Variants in RBMS3 observed in about 807,000 individuals in gnomAD.
The protein encoded by RBMS3 is RNA binding motif single stranded interacting protein 3, also known as RNA-binding motif, single-stranded-interacting protein 3.
A neutral mutation model predicts 66.8 loss-of-function variants in RBMS3; 27 were observed. That is an observed-to-expected ratio of 0.40 (90% CI 0.30 to 0.56). The LOEUF is 0.56. RBMS3 is among the 20% of genes least tolerant of loss of function. The pLI is 0.40. For synonymous variants in RBMS3, 188 were observed against 183.0 expected (o/e 1.03, Z -0.22); for missense variants, 513 against 549.5 (o/e 0.93, Z 0.66).
chr3:29,729,045 A>G (rs2054007138), intron 4 of RBMS3, among the ~76,000 whole-genome samples: 1 of 152,130 alleles, frequency 6.6e-6, no homozygotes, highest in African/African-American at 2.4e-5. Flanking sequence ...CAGGTTTGTT[A>G]CATACGTATA....
At chr3:29,388,953 T>C (rs1181513712) in intron 1 of RBMS3, among the ~76,000 whole-genome samples, 1 of 152,230 alleles carries the variant, frequency 6.6e-6, no homozygotes, top group Non-Finnish European at 1.5e-5. Flanking sequence ...TGTAGACACA[T>C]CATCAGGCAG....
intron 1 of RBMS3, among the ~76,000 whole-genome samples, chr3:29,393,478 CAGA>C (rs945707310): frequency 5.3e-5 from 8 of 152,088 alleles, no homozygotes; most frequent in Non-Finnish European, 8.8e-5. Context: ...GGAAAATCAT[CAGA>C]AGGAGAAAAT....
chr3:29,691,464 T>A (rs2052004659), intron 4 of RBMS3, among the ~76,000 whole-genome samples: 1 of 152,202 alleles, frequency 6.6e-6, no homozygotes, highest in Non-Finnish European at 1.5e-5. Context: ...GTACTTCTCT[T>A]TTCATGACTT....
chr3:29,856,243 T>C (rs2059073196), intron 6 of RBMS3, among the ~76,000 whole-genome samples: 2 of 152,182 alleles, frequency 1.3e-5, no homozygotes, highest in Non-Finnish European at 2.9e-5. Flanking sequence ...ATAAGTTGAA[T>C]GAATGTATTA....
Position 29,878,872 on chromosome 3 carries a change from T to A in RBMS3, c.745-5290T>A, listed in dbSNP as rs980762320. ...ACTTGGGTAACACAGTGAGACCCCA[T>A]CTCTACAAAAAAAAATTTAAATAAA... On this transcript the variant is annotated intron_variant, in intron 7 of 14. Transcript: ENST00000383767. Among the ~76,000 whole-genome samples the A allele has an allele frequency of 4.6e-5, 7 of 151,960 alleles. No individual in the cohort carries two copies. The East Asian group carries it at 1.4e-3, about 30-fold the overall frequency.
intron 6 of RBMS3, among the ~76,000 whole-genome samples, chr3:29,790,101 A>C (rs1323314073): frequency 6.6e-6 from 1 of 152,112 alleles, no homozygotes; most frequent in Non-Finnish European, 1.5e-5. Context: ...ATCCCTCTCC[A>C]TTTTTCTTTG....
At chr3:29,694,728 TC>T (rs1408243782) in intron 4 of RBMS3, among the ~76,000 whole-genome samples, 1 of 152,088 alleles carries the variant, frequency 6.6e-6, no homozygotes, top group Non-Finnish European at 1.5e-5. Flanking sequence ...CAAGTGACTG[TC>T]CTAAATGTTG....
At chr3:29,439,181 G>A (rs955541846) in intron 2 of RBMS3, among the ~76,000 whole-genome samples, 6 of 152,250 alleles carry the variant, frequency 3.9e-5, no homozygotes, top group African/African-American at 9.6e-5. Context: ...TAGAAAACAC[G>A]AAAGGACAAG....
intron 4 of RBMS3, 41 bp downstream of exon 4, chr3:29,587,246 T>TGTG: frequency 1.3e-6 from 1 of 776,184 alleles, no homozygotes; most frequent in Non-Finnish European, 1.8e-6. Context: ...TTTTTTTTTT[T>TGTG]TTTGTGTGTG....
intron 6 of RBMS3, among the ~76,000 whole-genome samples, chr3:29,775,264 TA>T (rs2056385255): frequency 1.2e-5 from 1 of 86,802 alleles, no homozygotes; most frequent in African/African-American, 4.9e-5. Context: ...ATTTTTTATT[TA>T]TTTTTTTTTT....
chr3:29,507,921 T>C (rs1029062646), intron 3 of RBMS3, among the ~76,000 whole-genome samples: 3 of 152,080 alleles, frequency 2.0e-5, no homozygotes, highest in Admixed American at 6.6e-5. Context: ...AAAACAACAA[T>C]AATGACTAAA....
At chr3:29,937,123 G>T (rs1208600028) in intron 11 of RBMS3, among the ~76,000 whole-genome samples, 1 of 151,992 alleles carries the variant, frequency 6.6e-6, no homozygotes, top group Non-Finnish European at 1.5e-5. Context: ...ACTGGACTAG[G>T]AGTCAGAAAT....
chr3:29,460,356 G>T (rs1336396246), intron 2 of RBMS3, among the ~76,000 whole-genome samples: 1 of 152,158 alleles, frequency 6.6e-6, no homozygotes, highest in Non-Finnish European at 1.5e-5. Context: ...CATAGATATT[G>T]TTTCATGAAA....
chr3:29,939,302 C>T (rs548920642), intron 11 of RBMS3, among the ~76,000 whole-genome samples: 1 of 152,022 alleles, frequency 6.6e-6, no homozygotes, highest in Admixed American at 6.6e-5. Flanking sequence ...ACTATATAAA[C>T]ATATATGACA....
At chr3:29,876,701 A>C (rs2059617174) in intron 7 of RBMS3, among the ~76,000 whole-genome samples, 2 of 152,164 alleles carry the variant, frequency 1.3e-5, no homozygotes, top group Admixed American at 1.3e-4. Flanking sequence ...GAAAGAATAG[A>C]ATAGAAATAT....
At chr3:29,845,011 G>A (rs2058745380) in intron 6 of RBMS3, among the ~76,000 whole-genome samples, 1 of 152,188 alleles carries the variant, frequency 6.6e-6, no homozygotes, top group East Asian at 1.9e-4. Flanking sequence ...CATGATAGCA[G>A]GAGATCAGAG....
chr3:29,529,324 A>G (rs896605050), intron 3 of RBMS3, among the ~76,000 whole-genome samples: 2 of 152,198 alleles, frequency 1.3e-5, no homozygotes, highest in Non-Finnish European at 2.9e-5. Flanking sequence ...AACTTCTAGA[A>G]TTATCATGAA....
intron 1 of RBMS3, among the ~76,000 whole-genome samples, chr3:29,357,887 G>C (rs1279014673): frequency 6.6e-6 from 1 of 152,088 alleles, no homozygotes; most frequent in Non-Finnish European, 1.5e-5. Context: ...CCCACTTTTT[G>C]ATGGGGTTGT....
intron 4 of RBMS3, among the ~76,000 whole-genome samples, chr3:29,656,021 A>G (rs1433964600): frequency 6.6e-6 from 1 of 152,174 alleles, no homozygotes; most frequent in Non-Finnish European, 1.5e-5. Context: ...AAATATTTTT[A>G]CAGCTATGTG....
Sources: gnomAD v4.1 joint callset for allele counts (sites outside exome capture counted in the v4.1 genomes callset) on GRCh38, gnomAD v4.1.1 for gene constraint, MANE v1.5 for transcripts, NCBI Gene and HGNC (gene_info 2026-07-23, HGNC 2026-07-21) for gene names.